The following PTPRD variants were observed in gnomAD, a reference collection of about 807,000 sequenced individuals.
The protein encoded by PTPRD is receptor-type tyrosine-protein phosphatase delta.
A neutral mutation model predicts 214.5 loss-of-function variants in PTPRD; 34 were observed. The ratio of observed to expected loss-of-function variants is 0.16; its 90% CI spans 0.12 to 0.21. The LOEUF (loss-of-function observed/expected upper bound fraction) is 0.21. Among genes scored for constraint, PTPRD ranks in the 10% least tolerant of loss-of-function variants. The pLI is 1.00. For synonymous variants in PTPRD, 1,128 were observed against 845.7 expected (o/e 1.33, Z -5.79); for missense variants, 2,545 against 2,398.7 (o/e 1.06, Z -1.27).
chr9:9,684,673 T>A (rs948759285), intron 7 of PTPRD, among the ~76,000 whole-genome samples: 1 of 151,232 alleles, frequency 6.6e-6, no homozygotes, highest in African/African-American at 2.4e-5. Flanking sequence ...ATTATTTTTA[T>A]AAGCATTGAA....
chr9:10,200,204 A>G (rs294821), intron 3 of PTPRD, among the ~76,000 whole-genome samples: 22,924 of 151,760 alleles, frequency 0.15, 2,025 homozygotes, highest in East Asian at 0.4. Flanking sequence ...TAACAAAGAG[A>G]CCAAGAAAAA....
intron 8 of PTPRD, among the ~76,000 whole-genome samples, chr9:9,538,140 A>C (rs1478111848): frequency 6.6e-6 from 1 of 151,874 alleles, no homozygotes; most frequent in Non-Finnish European, 1.5e-5. Context: ...GTATTTCCTC[A>C]TATTTCGCAG....
chr9:8,597,230 T>C (rs1407476445), intron 14 of PTPRD, among the ~76,000 whole-genome samples: 1 of 152,098 alleles, frequency 6.6e-6, no homozygotes, highest in African/African-American at 2.4e-5. Flanking sequence ...TTTAAATAGC[T>C]TACAGGGATT....
At chr9:9,722,796 C>T (rs904585426) in intron 7 of PTPRD, among the ~76,000 whole-genome samples, 11 of 152,054 alleles carry the variant, frequency 7.2e-5, no homozygotes, top group South Asian at 6.2e-4. Context: ...TTTGATTTGC[C>T]TTTCTTTGTT....
chr9:8,728,879 C>T (rs950493283), intron 12 of PTPRD, among the ~76,000 whole-genome samples: 1 of 152,120 alleles, frequency 6.6e-6, no homozygotes, highest in African/African-American at 2.4e-5. Context: ...ACTCGGGAGG[C>T]TGAGGCAAGA....
chr9:9,079,344 C>T (rs1422160943), intron 10 of PTPRD, among the ~76,000 whole-genome samples: 1 of 152,002 alleles, frequency 6.6e-6, no homozygotes. Flanking sequence ...ACTTAATATC[C>T]TTCAGTTCCA....
At chr9:8,322,668 C>G (rs1829607781) in intron 44 of PTPRD, among the ~76,000 whole-genome samples, 1 of 152,142 alleles carries the variant, frequency 6.6e-6, no homozygotes. Context: ...GCAATAAGTG[C>G]TGTTACAGAA....
At chr9:9,662,409 A>G (rs780707328) in intron 7 of PTPRD, among the ~76,000 whole-genome samples, 2 of 151,670 alleles carry the variant, frequency 1.3e-5, no homozygotes, top group Non-Finnish European at 3.0e-5. Flanking sequence ...TAACTGCTAT[A>G]ACAGCAAGAC....
At chr9:8,338,327 A>G (rs569032706) in intron 43 of PTPRD, among the ~76,000 whole-genome samples, 1 of 152,244 alleles carries the variant, frequency 6.6e-6, no homozygotes, top group East Asian at 1.9e-4. Context: ...AACAATCCAG[A>G]TAAGAAATGC....
At chr9:10,474,855 G>A (rs1353739324) in intron 2 of PTPRD, among the ~76,000 whole-genome samples, 1 of 152,082 alleles carries the variant, frequency 6.6e-6, no homozygotes, top group Admixed American at 6.6e-5. Context: ...GAACTACATG[G>A]AAACTGAACA....
At chr9:8,562,915 G>A (rs946110621) in intron 14 of PTPRD, among the ~76,000 whole-genome samples, 1 of 133,442 alleles carries the variant, frequency 7.5e-6, no homozygotes, top group Non-Finnish European at 1.6e-5. Context: ...GTTAATTTTT[G>A]TATTTGGTGC....
Position 10,556,415 on chromosome 9 carries a change from A to G in PTPRD, c.-600+55983T>C, listed in dbSNP as rs184588237. ...GAAAACAGTGTTTTTCCATGACACT[A>G]TATCATTTTAGGTATATTTTATATT... On this transcript the variant is annotated intron_variant, in intron 2 of 45. Coordinates refer to ENST00000381196, the MANE Select transcript of PTPRD (RefSeq NM_002839.4). 3.7e-3 allele frequency among the ~76,000 whole-genome samples: 566 copies of G among 152,164 alleles called. 5 individuals are homozygous for G. Among genetic ancestry groups the G allele is most frequent in the Non-Finnish European group, 5.7e-3 (390 of 67,956 alleles).
intron 5 of PTPRD, among the ~76,000 whole-genome samples, chr9:9,932,471 G>C (rs2087087954): frequency 1.4e-5 from 2 of 144,328 alleles, no homozygotes; most frequent in African/African-American, 2.7e-5. Flanking sequence ...GGAAGAAAGG[G>C]TATCAGCAAT....
chr9:8,736,226 T>C (rs1042746973), intron 11 of PTPRD, among the ~76,000 whole-genome samples: 1 of 152,192 alleles, frequency 6.6e-6, no homozygotes, highest in Non-Finnish European at 1.5e-5. Flanking sequence ...ATTTGAAGTA[T>C]AATTCTTCAC....
At chr9:8,428,314 T>G (rs934151475) in intron 35 of PTPRD, among the ~76,000 whole-genome samples, 1 of 152,190 alleles carries the variant, frequency 6.6e-6, no homozygotes, top group African/African-American at 2.4e-5. Flanking sequence ...TATTAGGAGA[T>G]TCTGATCTGG....
chr9:9,205,783 A>C (rs80065288), intron 9 of PTPRD, among the ~76,000 whole-genome samples: 148 of 152,302 alleles, frequency 9.7e-4, no homozygotes, highest in African/African-American at 3.4e-3. Context: ...TGCCTACTTT[A>C]TTCCAGGTAC....
chr9:9,959,251 A>G (rs1000351621), intron 4 of PTPRD, among the ~76,000 whole-genome samples: 1 of 152,218 alleles, frequency 6.6e-6, no homozygotes, highest in Non-Finnish European at 1.5e-5. Context: ...GAGAGCTGAC[A>G]TATTTGTGAT....
chr9:10,381,489 T>A (rs979684454), intron 2 of PTPRD, among the ~76,000 whole-genome samples: 1 of 151,956 alleles, frequency 6.6e-6, no homozygotes, highest in African/African-American at 2.4e-5. Context: ...TTTTCAGAGA[T>A]CTTTAAGCAC....
chr9:9,505,413 G>A (rs1369168757), intron 8 of PTPRD, among the ~76,000 whole-genome samples: 2 of 151,356 alleles, frequency 1.3e-5, no homozygotes, highest in Non-Finnish European at 3.0e-5. Context: ...GCTCAATATA[G>A]GATGTAAATA....
Sources: allele counts gnomAD v4.1 joint callset (sites outside exome capture counted in the v4.1 genomes callset), GRCh38; gene constraint gnomAD v4.1.1; transcripts MANE v1.5; gene names NCBI Gene and HGNC (gene_info 2026-07-23, HGNC 2026-07-21).